Variants in ATP2C2 observed in about 807,000 individuals in gnomAD.
The protein encoded by ATP2C2 is calcium-transporting ATPase type 2C member 2.
In ATP2C2, 171 loss-of-function variants were observed where a neutral mutation model predicts 110.8. That is an observed-to-expected ratio of 1.54 (90% CI 1.36 to 1.75). The LOEUF (loss-of-function observed/expected upper bound fraction) is 1.75, where lower values mean the gene tolerates loss of function less well. ATP2C2 is among the 40% of genes most tolerant of loss of function. ATP2C2 has a pLI of 0.00. For synonymous variants in ATP2C2, 804 were observed against 508.4 expected (o/e 1.58, Z -7.82); for missense variants, 1,963 against 1,235.0 (o/e 1.59, Z -8.84).
Position 84,446,339 on chromosome 16 carries a change from G to C in ATP2C2, c.1412G>C (p.Ser471Thr). 2 of 1,581,426 alleles carry C rather than the reference G, an allele frequency of 1.3e-6. No individual in the cohort carries two copies. The highest frequency in any genetic ancestry group is 1.2e-5 in the South Asian group (1 of 86,738). The stretch of plus-strand genomic sequence containing the variant: ...ATTTTATTATGCTAGATGGACTTAA[G>C]TGATATTAAAAATTCATATATAAGA... Reference protein sequence around the residue: ...LMALAMKMDLSDIKNSYIRKK... With the variant: ...LMALAMKMDLTDIKNSYIRKK... The change falls in exon 16 of 27, where the codon AGT becomes ACT. Residue 471 changes from serine (S) to threonine (T), a missense_variant. Physicochemically the swap from Ser to Thr is moderately conservative, Grantham distance 58. Transcript: ENST00000262429.
chr16:84,439,379 C>A (rs141384127), intron 12 of ATP2C2, 48 bp from the exon 13 acceptor site: 2 of 1,604,816 alleles, frequency 1.2e-6, no homozygotes, highest in Admixed American at 1.7e-5. Context: ...GTTTCACAAG[C>A]CTGAGGATGG....
chr16:84,381,166 C>G (rs13331051), intron 1 of ATP2C2, among the ~76,000 whole-genome samples: 63,694 of 152,052 alleles, frequency 0.42, 13,759 homozygotes, highest in African/African-American at 0.51. Context: ...GGTGAAGTTA[C>G]GTTTTGCGTG....
intron 16 of ATP2C2, among the ~76,000 whole-genome samples, chr16:84,446,659 G>A (rs918239612): frequency 2.6e-5 from 4 of 152,174 alleles, no homozygotes; most frequent in Admixed American, 6.5e-5. Flanking sequence ...GAGTAGCAGC[G>A]GTTGTTACCA....
At chr16:84,415,426 G>C in intron 6 of ATP2C2, 57 bp from the exon 7 acceptor site, 1 of 1,374,972 alleles carries the variant, frequency 7.3e-7, no homozygotes, top group Non-Finnish European at 1.0e-6. Context: ...ATGTATCAAG[G>C]TGCATAAAAA....
chr16:84,462,398 G>A (rs410471), intron 26 of ATP2C2: 13 of 388,976 alleles, frequency 3.3e-5, no homozygotes, highest in East Asian at 2.5e-4. Flanking sequence ...CCCAGGCGTC[G>A]GGCTGGAGGC....
chr16:84,376,050 C>T (rs990485456), intron 1 of ATP2C2, among the ~76,000 whole-genome samples: 6 of 151,694 alleles, frequency 4.0e-5, no homozygotes, highest in African/African-American at 7.3e-5. Flanking sequence ...GGTGTATGAG[C>T]GGTGCCAGCC....
intron 23 of ATP2C2, chr16:84,459,965 A>C: frequency 3.9e-6 from 1 of 257,892 alleles, no homozygotes; most frequent in South Asian, 5.2e-5. Flanking sequence ...GGGGGAAGGA[A>C]TGCGCTTTGG....
intron 7 of ATP2C2, 106 bp from the exon 8 acceptor site, chr16:84,422,284 G>C: frequency 4.4e-6 from 6 of 1,350,770 alleles, no homozygotes; most frequent in Non-Finnish European, 6.1e-6. Flanking sequence ...GGTTCACTGT[G>C]TTCTTGAGTT....
At chr16:84,404,526 A>T (rs531532595) in intron 2 of ATP2C2, 2 of 180,130 alleles carry the variant, frequency 1.1e-5, no homozygotes, top group South Asian at 2.3e-4. Context: ...ACGTGTCAGC[A>T]TTTTCTTTCG....
intron 1 of ATP2C2, among the ~76,000 whole-genome samples, chr16:84,376,543 T>C (rs928637361): frequency 1.8e-4 from 28 of 152,144 alleles, no homozygotes; most frequent in African/African-American, 6.5e-4. Flanking sequence ...CAATTTTTTT[T>C]TTTTTTTAGC....
At chr16:84,445,584 C>T (rs1409870919) in intron 15 of ATP2C2, among the ~76,000 whole-genome samples, 1 of 152,152 alleles carries the variant, frequency 6.6e-6, no homozygotes, top group Non-Finnish European at 1.5e-5. Flanking sequence ...TGCAAAGGCG[C>T]TATTCCAAAT....
chr16:84,444,861 C>G (rs1020734175), intron 15 of ATP2C2, among the ~76,000 whole-genome samples: 1 of 152,238 alleles, frequency 6.6e-6, no homozygotes, highest in Non-Finnish European at 1.5e-5. Flanking sequence ...GGGGCAAGCA[C>G]TTTGTGGTTC....
chr16:84,442,577 C>A lies in ATP2C2; in HGVS notation c.1379C>A (p.Ala460Glu). 6.2e-7 allele frequency: 1 copy of A among 1,614,012 alleles called. No homozygotes were observed. Among genetic ancestry groups the A allele is most frequent in the Non-Finnish European group, 8.5e-7 (1 of 1,179,930 alleles). Residue 460 changes from alanine (A) to glutamate (E), a missense_variant, in exon 15 of 27, where the codon GCA (alanine) becomes GAA (glutamate). Ala to Glu is a moderately radical substitution (Grantham distance 107). Transcript: ENST00000262429. ...NAVMGQPTEG[A>E]LMALAMKMDL... ...GTGATGGGGCAGCCCACCGAGGGTGCATTGATGGCCCTGGCGATGAAGGTA... is the reference window on the plus strand; with the variant it reads ...GTGATGGGGCAGCCCACCGAGGGTGAATTGATGGCCCTGGCGATGAAGGTA...
chr16:84,408,680 C>T (rs562781651), intron 4 of ATP2C2, among the ~76,000 whole-genome samples, 186 bp downstream of exon 4: 41 of 152,090 alleles, frequency 2.7e-4, no homozygotes, highest in Non-Finnish European at 4.7e-4. Flanking sequence ...CTGGTTTATT[C>T]GGCCACTGCT....
intron 1 of ATP2C2, among the ~76,000 whole-genome samples, chr16:84,377,149 C>T (rs1910297136): frequency 6.6e-6 from 1 of 151,996 alleles, no homozygotes; most frequent in Middle Eastern, 3.4e-3. Context: ...TAGTGGAAGC[C>T]GTGTGCTAAG....
At chr16:84,461,483 A>C in intron 24 of ATP2C2, 1 of 599,454 alleles carries the variant, frequency 1.7e-6, no homozygotes, top group Admixed American at 3.0e-5. Context: ...TCCTCCACCC[A>C]TAGGTGCCCT....
chr16:84,452,994 G>A (rs977592902), intron 18 of ATP2C2, 144 bp from the exon 19 acceptor site: 7 of 765,050 alleles, frequency 9.1e-6, no homozygotes, highest in African/African-American at 1.7e-5. Context: ...GGATAGAACC[G>A]AGGCCGTGCA....
intron 1 of ATP2C2, among the ~76,000 whole-genome samples, chr16:84,370,032 GT>G (rs913821577): frequency 3.3e-5 from 5 of 152,196 alleles, no homozygotes; most frequent in Admixed American, 6.5e-5. Flanking sequence ...TGCCATTCCT[GT>G]TTTTTCCTTT....
chr16:84,459,106 C>T lies in ATP2C2; in HGVS notation c.2148-14C>T. On this transcript the variant is annotated splice_polypyrimidine_tract_variant and intron_variant, in intron 21 of 26. Transcript: ENST00000262429. ...AGGCCCGCTCCGTGAGTAAATGGCT[C>T]TCTTCTCTTGCAGGAATGCAGTGGA... 1.2e-6 allele frequency: 2 copies of T among 1,614,060 alleles called. No individual in the cohort carries two copies. Among genetic ancestry groups the T allele is most frequent in the South Asian group, 1.1e-5 (1 of 91,080 alleles).
Sources: allele counts gnomAD v4.1 joint callset (sites outside exome capture counted in the v4.1 genomes callset), GRCh38; gene constraint gnomAD v4.1.1; transcripts MANE v1.5; gene names NCBI Gene and HGNC (gene_info 2026-07-23, HGNC 2026-07-21).